Variants in PRKCA observed in about 807,000 individuals in gnomAD.
PRKCA encodes the protein protein kinase C alpha.
In PRKCA, 27 loss-of-function variants were observed where a neutral mutation model predicts 87.0. That is an observed-to-expected ratio of 0.31 (90% confidence interval 0.23 to 0.43). PRKCA has a LOEUF of 0.43. PRKCA is among the 20% of genes least tolerant of loss of function. The pLI is 1.00. For synonymous variants in PRKCA, 329 were observed against 311.1 expected (o/e 1.06, Z -0.61); for missense variants, 518 against 852.3 (o/e 0.61, Z 4.88).
chr17:66,464,035 A>T (rs1914976475), intron 2 of PRKCA, among the ~76,000 whole-genome samples: 2 of 151,938 alleles, frequency 1.3e-5, no homozygotes, highest in Admixed American at 1.3e-4. Context: ...CCAATAGAAG[A>T]TCCCTTTTTC....
chr17:66,501,738 T>C (rs1021765586), intron 3 of PRKCA, among the ~76,000 whole-genome samples: 6 of 152,162 alleles, frequency 3.9e-5, no homozygotes, highest in Non-Finnish European at 8.8e-5. Context: ...ACAAAAGTGC[T>C]CTGTGTTTAG....
At chr17:66,595,463 C>CTTTTTTTTTTTTTTTTTTT (rs374376124) in intron 3 of PRKCA, among the ~76,000 whole-genome samples, 5 of 116,556 alleles carry the variant, frequency 4.3e-5, no homozygotes, top group Admixed American at 9.8e-5. Context: ...TCTTTTCCTT[C>CTTTTTTTTTTTTTTTTTTT]TTTTTTTTTT....
intron 13 of PRKCA, among the ~76,000 whole-genome samples, chr17:66,762,517 C>T (rs746128026): frequency 1.3e-5 from 2 of 152,176 alleles, no homozygotes; most frequent in Non-Finnish European, 2.9e-5. Context: ...TTCTGCTTCC[C>T]GCTTGTATTC....
At chr17:66,584,824 T>G (rs532304333) in intron 3 of PRKCA, among the ~76,000 whole-genome samples, 1 of 152,290 alleles carries the variant, frequency 6.6e-6, no homozygotes, top group South Asian at 2.1e-4. Context: ...TGATCTTATC[T>G]CGAGGTCTTT....
intron 2 of PRKCA, among the ~76,000 whole-genome samples, chr17:66,421,610 G>A (rs941650882): frequency 6.6e-6 from 1 of 151,606 alleles, no homozygotes; most frequent in Non-Finnish European, 1.5e-5. Context: ...TCAGCTCACT[G>A]CAGCCTCCAT....
chr17:66,515,360 A>G (rs1966934130), intron 3 of PRKCA, among the ~76,000 whole-genome samples: 1 of 151,634 alleles, frequency 6.6e-6, no homozygotes, highest in South Asian at 2.1e-4. Context: ...TTGCCTTACC[A>G]TGTGTGCACA....
chr17:66,368,596 T>A (rs952912763), intron 2 of PRKCA, among the ~76,000 whole-genome samples: 3 of 151,400 alleles, frequency 2.0e-5, no homozygotes, highest in Non-Finnish European at 4.4e-5. Flanking sequence ...TGCGCTATGT[T>A]GTCCAGGCTG....
At chr17:66,741,070 A>G (rs1346232843) in intron 11 of PRKCA, among the ~76,000 whole-genome samples, 5 of 152,184 alleles carry the variant, frequency 3.3e-5, no homozygotes, top group African/African-American at 1.2e-4. Flanking sequence ...AGATTTTTAA[A>G]TATTCGCCTC....
intron 2 of PRKCA, among the ~76,000 whole-genome samples, chr17:66,370,549 CTTTTTTTTT>C (rs555797425): frequency 2.6e-5 from 3 of 113,672 alleles, no homozygotes; most frequent in Non-Finnish European, 3.6e-5. Context: ...CTTTTCTTTT[CTTTTTTTTT>C]TTTTTTTTTT....
chr17:66,586,279 T>A (rs1339207168), intron 3 of PRKCA, among the ~76,000 whole-genome samples: 2 of 152,148 alleles, frequency 1.3e-5, no homozygotes, highest in African/African-American at 4.8e-5. Context: ...TTCTTTCCTT[T>A]ACCTAACTTG....
At chr17:66,629,389 C>T (rs138361761) in intron 3 of PRKCA, among the ~76,000 whole-genome samples, 1 of 152,232 alleles carries the variant, frequency 6.6e-6, no homozygotes, top group East Asian at 1.9e-4. Context: ...AAAATTTGAC[C>T]CACATCATCA....
At chr17:66,468,846 A>G (rs140783606) in intron 2 of PRKCA, among the ~76,000 whole-genome samples, 63 of 152,236 alleles carry the variant, frequency 4.1e-4, no homozygotes, top group African/African-American at 1.5e-3. Context: ...GAAATTACCC[A>G]TCATTCCTCT....
chr17:66,461,357 A>G (rs1290402363), intron 2 of PRKCA, among the ~76,000 whole-genome samples: 1 of 152,156 alleles, frequency 6.6e-6, no homozygotes, highest in African/African-American at 2.4e-5. Flanking sequence ...ACTTGTTTTG[A>G]TCAGTCTCAA....
At chr17:66,698,563 C>T (rs186110790) in intron 8 of PRKCA, among the ~76,000 whole-genome samples, 2 of 151,752 alleles carry the variant, frequency 1.3e-5, no homozygotes, top group African/African-American at 4.8e-5. Flanking sequence ...AAAACAGAAA[C>T]AAATGAAAAG....
chr17:66,593,426 A>G (rs1471877243), intron 3 of PRKCA, among the ~76,000 whole-genome samples: 1 of 152,180 alleles, frequency 6.6e-6, no homozygotes, highest in Non-Finnish European at 1.5e-5. Flanking sequence ...TGAGGCCAAG[A>G]CCCATAAGCA....
chr17:66,626,202 CTTT>C (rs559635396), intron 3 of PRKCA, among the ~76,000 whole-genome samples: 1 of 138,512 alleles, frequency 7.2e-6, no homozygotes. Context: ...TTTTTCTTTT[CTTT>C]TTTTTTTTTG....
At chr17:66,541,504 A>G (rs1475282123) in intron 3 of PRKCA, among the ~76,000 whole-genome samples, 1 of 152,242 alleles carries the variant, frequency 6.6e-6, no homozygotes, top group East Asian at 1.9e-4. Flanking sequence ...TGTGGAAGAA[A>G]AAATAATTCC....
In PRKCA at chr17:66,541,457, G is replaced by T. The variant is rs559860477; in HGVS notation, c.288+45174G>T. Among the ~76,000 whole-genome samples the T allele has an allele frequency of 2.0e-5, 3 of 152,336 alleles. No homozygotes were observed. In the East Asian group the frequency reaches 5.8e-4, roughly 29 times the overall value. On this transcript the variant is annotated intron_variant, in intron 3 of 16. Transcript: ENST00000413366. ...ATATTGATTTCTGCGGCAAAGAGCAGTTGACTGGGATTGAAAGCTACTCTG... is the reference window on the plus strand; with the variant it reads ...ATATTGATTTCTGCGGCAAAGAGCATTTGACTGGGATTGAAAGCTACTCTG...
chr17:66,661,775 T>C (rs1203100965), intron 5 of PRKCA, among the ~76,000 whole-genome samples: 1 of 152,204 alleles, frequency 6.6e-6, no homozygotes, highest in East Asian at 1.9e-4. Flanking sequence ...AAGCAAGTCC[T>C]TTGAATGGGC....
Sources: allele counts gnomAD v4.1 joint callset (sites outside exome capture counted in the v4.1 genomes callset), GRCh38; gene constraint gnomAD v4.1.1; transcripts MANE v1.5; gene names NCBI Gene and HGNC (gene_info 2026-07-23, HGNC 2026-07-21).